The following RAD54B variants were observed in gnomAD, a reference collection of about 807,000 sequenced individuals.
The protein encoded by RAD54B is DNA repair and recombination protein RAD54B.
RAD54B carries 78 observed loss-of-function variants against 95.8 expected under a neutral mutation model. That is an observed-to-expected ratio of 0.81 (90% CI 0.68 to 0.98). The LOEUF is 0.98. RAD54B is among the 50% of genes least tolerant of loss of function. The probability of loss-of-function intolerance (pLI) is 0.00; values close to 1 mark genes in which losing one functional copy is unlikely to be tolerated. For synonymous variants in RAD54B, 328 were observed against 354.9 expected (o/e 0.92, Z 0.85); for missense variants, 957 against 1,056.6 (o/e 0.91, Z 1.31).
intron 3 of RAD54B, among the ~76,000 whole-genome samples, chr8:94,446,752 T>C (rs1421122590): frequency 6.6e-6 from 1 of 152,064 alleles, no homozygotes; most frequent in South Asian, 2.1e-4. Flanking sequence ...ATACCCAAGA[T>C]TGGAAGTGGC....
intron 3 of RAD54B, among the ~76,000 whole-genome samples, chr8:94,450,340 T>G (rs1812624927): frequency 6.6e-6 from 1 of 152,162 alleles, no homozygotes. Flanking sequence ...TGAGACTGCA[T>G]GACAATCAAC....
intron 3 of RAD54B, among the ~76,000 whole-genome samples, chr8:94,455,244 G>A (rs1420826136): frequency 6.6e-6 from 1 of 152,076 alleles, no homozygotes; most frequent in Non-Finnish European, 1.5e-5. Context: ...AAACTATAAT[G>A]TTCCAATAGC....
chr8:94,427,851 C>A (rs1811982998), intron 3 of RAD54B: 1 of 960,780 alleles, frequency 1.0e-6, no homozygotes, highest in South Asian at 4.8e-5. Flanking sequence ...TGACATTACT[C>A]CAAAAGAAGG....
At chr8:94,405,447 C>T (rs1326477693) in intron 5 of RAD54B, among the ~76,000 whole-genome samples, 1 of 152,146 alleles carries the variant, frequency 6.6e-6, no homozygotes. Context: ...TATACTGTCA[C>T]AGGAATAAGA....
At chr8:94,432,053 TTC>T (rs1812111866) in intron 3 of RAD54B, 2 of 1,450,834 alleles carry the variant, frequency 1.4e-6, no homozygotes, top group Non-Finnish European at 9.0e-7. Context: ...AGAACGTGTA[TTC>T]TGTTTCAGGA....
chr8:94,449,845 T>G (rs1803251655), intron 3 of RAD54B, among the ~76,000 whole-genome samples: 1 of 152,166 alleles, frequency 6.6e-6, no homozygotes, highest in African/African-American at 2.4e-5. Flanking sequence ...AGTCCCAGTG[T>G]ATAGGTTTCC....
At chr8:94,452,387 G>T (rs1412881229) in intron 3 of RAD54B, among the ~76,000 whole-genome samples, 1 of 152,224 alleles carries the variant, frequency 6.6e-6, no homozygotes, top group East Asian at 1.9e-4. Flanking sequence ...AATTTCAGGT[G>T]ATGGAGCACC....
intron 2 of RAD54B, among the ~76,000 whole-genome samples, chr8:94,461,646 A>G (rs1224820413): frequency 1.3e-5 from 2 of 152,292 alleles, no homozygotes; most frequent in East Asian, 3.9e-4. Context: ...ATTCATGGTA[A>G]CATTCCAAAA....
At chr8:94,410,749 G>C (rs965149050) in intron 4 of RAD54B, among the ~76,000 whole-genome samples, 2 of 152,064 alleles carry the variant, frequency 1.3e-5, no homozygotes, top group Admixed American at 1.3e-4. Flanking sequence ...CATTCAACTT[G>C]ATATCAACAT....
At chr8:94,373,831 T>C (rs1319099876) in intron 14 of RAD54B, among the ~76,000 whole-genome samples, 5 of 152,296 alleles carry the variant, frequency 3.3e-5, no homozygotes, top group South Asian at 4.1e-4. Flanking sequence ...AATAAATATA[T>C]AGCATGTATC....
At chr8:94,382,536 G>A (rs1810769489) in intron 11 of RAD54B, among the ~76,000 whole-genome samples, 1 of 152,156 alleles carries the variant, frequency 6.6e-6, no homozygotes, top group Admixed American at 6.5e-5. Flanking sequence ...TGTGAGATGT[G>A]CTCCAGCAAA....
rs142147806 is a variant in RAD54B, at chr8:94,467,516, A to T, written c.24T>A (p.Ser8Arg). The change falls in exon 2 of 15, where the codon AGT becomes AGA. Residue 8 changes from serine (S) to arginine (R), a missense_variant. Physicochemically the swap from Ser to Arg is moderately radical, Grantham distance 110 (BLOSUM62 -1). Coordinates refer to ENST00000336148, the MANE Select transcript of RAD54B (RefSeq NM_012415.3). ...TTTTGAAGGAATTCCCCTGCAACTG[A>T]CTTGGTGCTGCAGATCGTCTCATAT... The part of the protein sequence containing the change: MRRSAAP[S>R]QLQGNSFKKP... 85 of 1,613,374 alleles carry T rather than the reference A, an allele frequency of 5.3e-5. No individual in the cohort carries two copies. The highest frequency in any genetic ancestry group is 7.1e-5 in the Non-Finnish European group (84 of 1,180,000).
At chr8:94,468,411 T>C (rs1354701382) in intron 1 of RAD54B, among the ~76,000 whole-genome samples, 1 of 151,918 alleles carries the variant, frequency 6.6e-6, no homozygotes, top group African/African-American at 2.4e-5. Flanking sequence ...CCATGACATA[T>C]GTAAAAAGGT....
chr8:94,402,940 G>C (rs1270059999), intron 6 of RAD54B, among the ~76,000 whole-genome samples: 1 of 152,156 alleles, frequency 6.6e-6, no homozygotes, highest in Non-Finnish European at 1.5e-5. Context: ...TAAAAGTTCA[G>C]GTTTGACTAG....
At position 94,378,245 on chromosome 8, in the gene RAD54B, T is replaced by C. The variant is rs941263441; in HGVS notation, c.2450A>G (p.Glu817Gly). The C allele has an allele frequency of 6.2e-7, 1 of 1,613,294 alleles. No homozygotes were observed. The highest frequency in any genetic ancestry group is 1.7e-5 in the Admixed American group (1 of 59,988). Residue 817 changes from glutamate (E) to glycine (G), a missense_variant, in exon 14 of 15, where the codon GAA (glutamate) becomes GGA (glycine). Physicochemically the swap from Glu to Gly is moderately conservative, Grantham distance 98. Coordinates refer to ENST00000336148, the MANE Select transcript of RAD54B (RefSeq NM_012415.3). The part of the protein sequence containing the change: ...EELKNLFTLH[E>G]SSDCVTHDLL... ...ATCATGAGTAACACAATCTGAACTT[T>C]CATGTAATGTGAACAAATTTTTAAG...
chr8:94,420,582 A>C (rs1308041913), intron 3 of RAD54B, among the ~76,000 whole-genome samples: 1 of 152,096 alleles, frequency 6.6e-6, no homozygotes, highest in Non-Finnish European at 1.5e-5. Context: ...CTCCACAGTA[A>C]ATCATGGGGA....
intron 11 of RAD54B, among the ~76,000 whole-genome samples, chr8:94,386,264 A>G (rs530049055): frequency 6.6e-6 from 1 of 152,294 alleles, no homozygotes; most frequent in South Asian, 2.1e-4. Context: ...ATAAAGAAGA[A>G]AAGTGAGTCT....
At chr8:94,414,574 A>G (rs1222725745) in intron 3 of RAD54B, among the ~76,000 whole-genome samples, 1 of 152,156 alleles carries the variant, frequency 6.6e-6, no homozygotes, top group African/African-American at 2.4e-5. Flanking sequence ...TTCTGCATCT[A>G]TTGAGATAAT....
intron 14 of RAD54B, 27 bp from the exon 15 acceptor site, chr8:94,372,414 T>C (rs1216798740): frequency 6.2e-7 from 1 of 1,607,208 alleles, no homozygotes; most frequent in African/African-American, 1.3e-5. Context: ...AATGAGAAAA[T>C]CCTTAGGCAA....
Sources: allele counts gnomAD v4.1 joint callset (sites outside exome capture counted in the v4.1 genomes callset), GRCh38; gene constraint gnomAD v4.1.1; transcripts MANE v1.5; gene names NCBI Gene and HGNC (gene_info 2026-07-23, HGNC 2026-07-21).